Variants in NDUFS6 observed in about 807,000 individuals in gnomAD.
The protein encoded by NDUFS6 is NADH:ubiquinone oxidoreductase subunit S6.
NDUFS6 carries 14 observed loss-of-function variants against 13.2 expected under a neutral mutation model. The observed-to-expected ratio is 1.06, with a 90% confidence interval of 0.70 to 1.66. The LOEUF (loss-of-function observed/expected upper bound fraction) is 1.66. NDUFS6 is among the 40% of genes most tolerant of loss of function. NDUFS6 has a pLI of 0.00. For missense variants in NDUFS6, 206 were observed against 170.8 expected, an observed-to-expected ratio of 1.21 and a Z score of -1.15; for synonymous variants, 95 against 72.3, an observed-to-expected ratio of 1.31 and a Z score of -1.60.
chr5:1,808,595 T>C (rs1263441786), intron 2 of NDUFS6, among the ~76,000 whole-genome samples: 1 of 152,210 alleles, frequency 6.6e-6, no homozygotes, highest in Admixed American at 6.5e-5. Context: ...GCTCCCCAGC[T>C]TCGTCTTTGC....
chr5:1,801,422 C>G lies in NDUFS6; in HGVS notation c.5C>G (p.Ala2Gly), dbSNP rs970012846. 6.2e-7 allele frequency: 1 copy of G among 1,605,006 alleles called. No homozygotes were observed. The highest frequency in any genetic ancestry group is 8.5e-7 in the Non-Finnish European group (1 of 1,178,146). M[A>G]AAMTFCRLLN... The stretch of plus-strand genomic sequence containing the variant: ...GTCAAAGGCCAGCGGCGCAAAATGG[C>G]GGCGGCGATGACCTTCTGCCGGCTG... Residue 2 changes from alanine to glycine, a missense_variant, in exon 1 of 4, where the codon GCG (alanine) becomes GGG (glycine). By Grantham distance (60) the Ala-to-Gly change is moderately conservative. Transcript: ENST00000274137.
chr5:1,814,622 T>C lies in NDUFS6; in HGVS notation c.309+161T>C, dbSNP rs1230012252. The C allele has an allele frequency of 9.3e-7, 1 of 1,070,382 alleles. No individual in the cohort carries two copies. The highest frequency in any genetic ancestry group is 1.3e-5 in the South Asian group (1 of 75,092). 66.3% of individuals were successfully genotyped at this position (1,070,382 alleles called of 1,614,324 possible). A position where few individuals can be genotyped will look rare whatever the true frequency, so the allele number is the denominator to read the frequency against. ...GCACATTCACCCTACAGCGCCACAC[T>C]ACAGGGCCTACATAGAGCCGCCTGT... On this transcript the variant is annotated intron_variant, in intron 3 of 3. Transcript: ENST00000274137. The surrounding 1 kb of genome is among the most constrained non-coding windows in gnomAD (Gnocchi z 4.9).
intron 1 of NDUFS6, 98 bp downstream of exon 1, chr5:1,801,647 C>T: frequency 2.7e-6 from 4 of 1,481,444 alleles, no homozygotes; most frequent in South Asian, 1.3e-5. Flanking sequence ...TGGTTCTGCG[C>T]CGGCAGCGCA....
At chr5:1,808,660 A>G (rs1158943596) in intron 2 of NDUFS6, among the ~76,000 whole-genome samples, 1 of 152,166 alleles carries the variant, frequency 6.6e-6, no homozygotes. Context: ...GCACTGGCAA[A>G]ATTAGTCACT....
rs780878076 is a variant in NDUFS6, at chr5:1,814,303, T to G, written c.187-36T>G. On this transcript the variant is annotated intron_variant, in intron 2 of 3. Transcript: ENST00000274137. The surrounding 1 kb of genome is among the most constrained non-coding windows in gnomAD (Gnocchi z 4.9). Reference sequence around the variant, plus strand: ...AAATTGTATGTAGTTAGCAAGTTTGTGTATTTGTTTACGTAAGTCTTTCTT... The same window carrying G: ...AAATTGTATGTAGTTAGCAAGTTTGGGTATTTGTTTACGTAAGTCTTTCTT... 1.2e-6 allele frequency: 2 copies of G among 1,614,134 alleles called. No individual in the cohort carries two copies. The highest frequency in any genetic ancestry group is 1.7e-5 in the Admixed American group (1 of 60,030).
At chr5:1,808,045 G>A (rs952377317) in intron 2 of NDUFS6, among the ~76,000 whole-genome samples, 1 of 152,234 alleles carries the variant, frequency 6.6e-6, no homozygotes, top group Non-Finnish European at 1.5e-5. Flanking sequence ...TGGCTGAGAA[G>A]GTCCTCCGTG....
intron 2 of NDUFS6, among the ~76,000 whole-genome samples, chr5:1,805,119 C>T (rs1345414435): frequency 2.0e-5 from 3 of 152,148 alleles, no homozygotes; most frequent in Non-Finnish European, 2.9e-5. Flanking sequence ...TCACTTGAGC[C>T]CAGGCGTTCA....
At chr5:1,806,482 T>A (rs554626991) in intron 2 of NDUFS6, among the ~76,000 whole-genome samples, 19 of 152,332 alleles carry the variant, frequency 1.2e-4, no homozygotes, top group South Asian at 4.1e-4. Flanking sequence ...TCAAGGTGCG[T>A]GGTGCCACCA....
chr5:1,814,670 G>A lies in NDUFS6; in HGVS notation c.309+209G>A, dbSNP rs772807397. 3 of 760,510 alleles carry A rather than the reference G, an allele frequency of 3.9e-6. No homozygotes were observed. Among genetic ancestry groups the A allele is most frequent in the South Asian group, 1.5e-5 (1 of 68,728 alleles). The allele number at this position is 760,510 out of a possible 1,614,324, so 47.1% of individuals were successfully genotyped here. On this transcript the variant is annotated intron_variant, in intron 3 of 3. Coordinates refer to ENST00000274137, the MANE Select transcript of NDUFS6 (RefSeq NM_004553.6). The surrounding 1 kb of genome is among the most constrained non-coding windows in gnomAD (Gnocchi z 4.9). Reference sequence around the variant, plus strand: ...TGTCCGAAAACCCCCTTTCAACTGTGAAGTGGTGGGCGGCATGTTTCTCTT... The same window carrying A: ...TGTCCGAAAACCCCCTTTCAACTGTAAAGTGGTGGGCGGCATGTTTCTCTT...
intron 2 of NDUFS6, among the ~76,000 whole-genome samples, chr5:1,811,997 C>A (rs115181004): frequency 0.011 from 1,648 of 152,250 alleles, 28 homozygotes; most frequent in African/African-American, 0.038. Flanking sequence ...TGATTCTTTC[C>A]CTATATTTAC....
intron 2 of NDUFS6, among the ~76,000 whole-genome samples, chr5:1,810,417 G>A (rs1734200581): frequency 1.3e-5 from 2 of 152,088 alleles, no homozygotes; most frequent in Non-Finnish European, 2.9e-5. Flanking sequence ...CCGGTTCTTC[G>A]TGCCTTGTCT....
At position 1,814,463 on chromosome 5, in the gene NDUFS6, T is replaced by C. The variant is rs112210581; in HGVS notation, c.309+2T>C. 3.7e-6 allele frequency: 6 copies of C among 1,614,148 alleles called. No homozygotes were observed. The South Asian group carries it at 6.6e-5, about 18-fold the overall frequency. On this transcript the variant is annotated splice_donor_variant, in intron 3 of 3. Coordinates refer to ENST00000274137, the MANE Select transcript of NDUFS6 (RefSeq NM_004553.6). LOFTEE classifies it high-confidence loss of function. This position sits in a 1 kb window ranked among gnomAD's most constrained non-coding sequence, Gnocchi z 4.9. Reference sequence around the variant, plus strand: ...CACCCAAAAGTGTATATAAACTTGGTGCGTAGCTGGCCACCTGTGCACATG... The same window carrying C: ...CACCCAAAAGTGTATATAAACTTGGCGCGTAGCTGGCCACCTGTGCACATG...
Position 1,803,376 on chromosome 5 carries a change from C to T in NDUFS6, c.186+1002C>T, listed in dbSNP as rs10064474. ...TGTTGGGTTGAGAAAGATCCTGAGG[C>T]CTGATGCACATTCAGTGGAAGAGTG... On this transcript the variant is annotated intron_variant, in intron 2 of 3. Coordinates refer to ENST00000274137, the MANE Select transcript of NDUFS6 (RefSeq NM_004553.6). Among the ~76,000 whole-genome samples, 1,359 of 152,220 alleles carry T rather than the reference C, an allele frequency of 8.9e-3. 24 individuals carry two copies. Among genetic ancestry groups the T allele is most frequent in the African/African-American group, 0.031 (1,274 of 41,530 alleles).
intron 3 of NDUFS6, 150 bp from the exon 4 acceptor site, chr5:1,815,701 C>A: frequency 1.2e-6 from 1 of 860,586 alleles, no homozygotes. Flanking sequence ...AGCCTGGAAC[C>A]GAGATCGACA....
At chr5:1,805,944 G>T (rs926881408) in intron 2 of NDUFS6, among the ~76,000 whole-genome samples, 14 of 152,180 alleles carry the variant, frequency 9.2e-5, no homozygotes, top group African/African-American at 3.1e-4. Flanking sequence ...TAGCTTGTAG[G>T]CTCGTGGGCA....
At chr5:1,803,822 G>C (rs371984484) in intron 2 of NDUFS6, among the ~76,000 whole-genome samples, 21 of 152,320 alleles carry the variant, frequency 1.4e-4, no homozygotes, top group African/African-American at 5.1e-4. Context: ...AGGCTGTCCT[G>C]GGCATTCTTG....
chr5:1,803,433 T>A (rs1734079991), intron 2 of NDUFS6, among the ~76,000 whole-genome samples: 1 of 152,184 alleles, frequency 6.6e-6, no homozygotes. Context: ...TCTACCAGGA[T>A]CATGGTGGTG....
chr5:1,807,135 A>AGGTACTCAGAGGTACTGCGTGC (rs1734137558), intron 2 of NDUFS6, among the ~76,000 whole-genome samples: 1 of 152,058 alleles, frequency 6.6e-6, no homozygotes, highest in Non-Finnish European at 1.5e-5. Flanking sequence ...GTACTGCGTG[A>AGGTACTCAGAGGTACTGCGTGC]GGTACTCAGA....
At chr5:1,811,936 G>A (rs1176581646) in intron 2 of NDUFS6, among the ~76,000 whole-genome samples, 1 of 152,214 alleles carries the variant, frequency 6.6e-6, no homozygotes, top group East Asian at 1.9e-4. Flanking sequence ...TATATCAAAA[G>A]AAACCTTGGT....
Sources: gnomAD v4.1 joint callset for allele counts (sites outside exome capture counted in the v4.1 genomes callset) on GRCh38, gnomAD v4.1.1 for gene constraint, Gnocchi (gnomAD v3.1) non-coding constraint, MANE v1.5 for transcripts, NCBI Gene and HGNC (gene_info 2026-07-23, HGNC 2026-07-21) for gene names.